ERBIN: variants seen among roughly 807,000 people sequenced by gnomAD.
ERBIN encodes the protein erbb2 interacting protein, also known as densin-180-like protein.
Under a neutral mutation model 158.4 loss-of-function variants are expected in ERBIN, and 60 were observed. The observed-to-expected ratio is 0.38, with a 90% CI of 0.31 to 0.47. The LOEUF is 0.47. ERBIN is among the 20% of genes least tolerant of loss of function. The pLI, the probability that ERBIN is intolerant of heterozygous loss-of-function variation, is 0.99. For missense variants in ERBIN, 1,610 were observed against 1,648.0 expected (o/e 0.98, Z 0.40); for synonymous variants, 594 against 557.2 (o/e 1.07, Z -0.93).
intron 1 of ERBIN, among the ~76,000 whole-genome samples, chr5:65,960,856 T>C (rs1200914013): frequency 1.3e-5 from 2 of 152,206 alleles, no homozygotes; most frequent in Non-Finnish European, 2.9e-5. Flanking sequence ...TAGATAATTA[T>C]AATTTTTTTT....
At chr5:66,043,225 T>G in intron 16 of ERBIN, 27 bp downstream of exon 16, 1 of 1,606,166 alleles carries the variant, frequency 6.2e-7, no homozygotes, top group East Asian at 2.2e-5. Flanking sequence ...TTCTTTAAAA[T>G]TTGAAACAAG....
intron 13 of ERBIN, among the ~76,000 whole-genome samples, chr5:66,027,554 C>A (rs1472561489): frequency 6.6e-6 from 1 of 151,926 alleles, no homozygotes; most frequent in East Asian, 1.9e-4. Flanking sequence ...GAACGTGTAC[C>A]AACTTTCCCA....
chr5:65,997,080 A>G (rs745558421), intron 4 of ERBIN, among the ~76,000 whole-genome samples: 4 of 152,134 alleles, frequency 2.6e-5, no homozygotes, highest in East Asian at 1.9e-4. Flanking sequence ...GGACACTTCA[A>G]TTTCTCCTAT....
chr5:66,025,214 G>T, intron 10 of ERBIN: 1 of 402,726 alleles, frequency 2.5e-6, no homozygotes, highest in Non-Finnish European at 4.5e-6. Context: ...AGTGAACAAC[G>T]AAGACAAAAA....
intron 15 of ERBIN, among the ~76,000 whole-genome samples, chr5:66,042,158 T>C (rs1185264474): frequency 3.3e-5 from 5 of 152,024 alleles, no homozygotes; most frequent in Non-Finnish European, 2.9e-5. Context: ...ATTCCAGGAG[T>C]TTCTGGGGTT....
chr5:65,934,572 A>G (rs189195941), intron 1 of ERBIN, among the ~76,000 whole-genome samples: 5 of 152,264 alleles, frequency 3.3e-5, no homozygotes, highest in Admixed American at 6.5e-5. Context: ...TGGCAGGGTT[A>G]TTGTAAAAGT....
intron 1 of ERBIN, among the ~76,000 whole-genome samples, chr5:65,976,067 A>G (rs1777252003): frequency 6.6e-6 from 1 of 152,228 alleles, no homozygotes; most frequent in African/African-American, 2.4e-5. Flanking sequence ...GGTGATTGGG[A>G]AGTACTCTGG....
At chr5:65,965,756 T>G (rs529263484) in intron 1 of ERBIN, among the ~76,000 whole-genome samples, 1 of 152,352 alleles carries the variant, frequency 6.6e-6, no homozygotes, top group South Asian at 2.1e-4. Context: ...AAGTTGCTCT[T>G]CCTCTGATTC....
At chr5:66,005,373 G>A (rs897662421) in intron 4 of ERBIN, among the ~76,000 whole-genome samples, 1 of 152,102 alleles carries the variant, frequency 6.6e-6, no homozygotes, top group African/African-American at 2.4e-5. Context: ...AAAATCAGGA[G>A]CTCAGTTTTT....
At chr5:66,060,988 G>A (rs1269534951) in intron 21 of ERBIN, among the ~76,000 whole-genome samples, 2 of 152,162 alleles carry the variant, frequency 1.3e-5, no homozygotes, top group South Asian at 4.1e-4. Flanking sequence ...TTTGGAATAG[G>A]TGTGGTGTGG....
At chr5:66,032,729 A>AACACG (rs1359662738) in intron 14 of ERBIN, among the ~76,000 whole-genome samples, 2 of 152,294 alleles carry the variant, frequency 1.3e-5, no homozygotes, top group East Asian at 3.9e-4. Flanking sequence ...TAGGCAACAG[A>AACACG]ACACGTTGCC....
At chr5:66,022,537 A>G (rs1755812616) in intron 8 of ERBIN, among the ~76,000 whole-genome samples, 1 of 152,210 alleles carries the variant, frequency 6.6e-6, no homozygotes. Context: ...TAGATGTGAT[A>G]GTACTCTGTG....
At chr5:65,961,714 T>C (rs1030821821) in intron 1 of ERBIN, among the ~76,000 whole-genome samples, 10 of 152,180 alleles carry the variant, frequency 6.6e-5, no homozygotes, top group African/African-American at 2.4e-4. Context: ...TGATGACTTT[T>C]TTTTGTCAGT....
At chr5:66,047,817 G>C (rs1429465749) in intron 18 of ERBIN, among the ~76,000 whole-genome samples, 1 of 151,988 alleles carries the variant, frequency 6.6e-6, no homozygotes, top group Non-Finnish European at 1.5e-5. Context: ...TATTAGGTTT[G>C]TTACAGTGAA....
chr5:66,068,039 G>A (rs973345304), intron 21 of ERBIN, among the ~76,000 whole-genome samples: 5 of 152,128 alleles, frequency 3.3e-5, no homozygotes, highest in Admixed American at 6.5e-5. Flanking sequence ...TTTAGAAATT[G>A]AAATGTGGTC....
rs1214820400 is a variant in ERBIN at position 66,050,466 on chromosome 5, C to T, written c.1904-317C>T. 6.2e-4 allele frequency among the ~76,000 whole-genome samples: 4 copies of T among 6,402 alleles called. 2 individuals are homozygous for T. Among genetic ancestry groups the T allele is most frequent in the African/African-American group, 4.7e-3 (4 of 858 alleles). 4.2% of individuals were successfully genotyped at this position (6,402 alleles called of 152,430 possible). On this transcript the variant is annotated intron_variant, in intron 19 of 25. Coordinates refer to ENST00000284037, the MANE Select transcript of ERBIN (RefSeq NM_001253697.2). ...TTCACCGTTTTAGCCGGGATGGCCT[C>T]GATCTCCTGACCTCGTGATCCGCCC... is the stretch of plus-strand genomic sequence containing the variant.
At chr5:66,011,063 C>T (rs1024799242) in intron 4 of ERBIN, among the ~76,000 whole-genome samples, 6 of 152,144 alleles carry the variant, frequency 3.9e-5, no homozygotes, top group African/African-American at 9.7e-5. Context: ...CTAGGATACT[C>T]CAAAGCTGAA....
At chr5:66,074,630 A>C (rs1028612218) in intron 22 of ERBIN, among the ~76,000 whole-genome samples, 2 of 152,214 alleles carry the variant, frequency 1.3e-5, no homozygotes, top group African/African-American at 4.8e-5. Flanking sequence ...ATGGGAAAAG[A>C]TATGCATCTC....
intron 4 of ERBIN, among the ~76,000 whole-genome samples, chr5:65,998,231 A>AATAT (rs528994211): frequency 6.7e-6 from 1 of 149,156 alleles, no homozygotes; most frequent in East Asian, 1.9e-4. Context: ...CTCAAAAAAA[A>AATAT]ATATATATAT....
Sources: allele counts gnomAD v4.1 joint callset (sites outside exome capture counted in the v4.1 genomes callset), GRCh38; gene constraint gnomAD v4.1.1; transcripts MANE v1.5; gene names NCBI Gene and HGNC (gene_info 2026-07-23, HGNC 2026-07-21).